DDAH1: variants seen among roughly 807,000 people sequenced by gnomAD.
DDAH1 encodes the protein dimethylarginine dimethylaminohydrolase 1.
Under a neutral mutation model 28.8 loss-of-function variants are expected in DDAH1, and 19 were observed. The ratio of observed to expected loss-of-function variants is 0.66; its 90% CI spans 0.46 to 0.97. DDAH1 has a LOEUF of 0.97. Ranked by LOEUF, DDAH1 falls within the 50% of genes least tolerant of loss-of-function variation. DDAH1 has a pLI of 0.00. For synonymous variants in DDAH1, 153 were observed against 154.4 expected (o/e 0.99, Z 0.07); for missense variants, 326 against 375.9 (o/e 0.87, Z 1.10).
chr1:85,541,517 T>G (rs568627640), intron 1 of DDAH1, among the ~76,000 whole-genome samples: 1 of 152,342 alleles, frequency 6.6e-6, no homozygotes, highest in South Asian at 2.1e-4. Flanking sequence ...TAGTAAATGA[T>G]GCTGTGTTGG....
At chr1:85,446,723 C>T (rs897271041) in intron 1 of DDAH1, among the ~76,000 whole-genome samples, 17 of 152,108 alleles carry the variant, frequency 1.1e-4, no homozygotes, top group Admixed American at 1.1e-3. Flanking sequence ...CCTGCCACCC[C>T]TCCCCCAATC....
At chr1:85,366,103 A>C (rs1405279313) in intron 1 of DDAH1, among the ~76,000 whole-genome samples, 2 of 151,962 alleles carry the variant, frequency 1.3e-5, no homozygotes, top group Non-Finnish European at 2.9e-5. Flanking sequence ...CTGGTAAAAA[A>C]AAAAAAAACA....
chr1:85,332,330 G>A lies in DDAH1; in HGVS notation c.598-7447C>T, dbSNP rs538282866. 1.2e-4 allele frequency among the ~76,000 whole-genome samples: 18 copies of A among 152,284 alleles called. No individual in the cohort carries two copies. The South Asian group carries it at 3.3e-3, about 28-fold the overall frequency. Reference sequence around the variant, plus strand: ...TAGCCCACACATTGTACTGCACACTGGGGAGGGTGATCCTGGGACAAAGGG... The same window carrying A: ...TAGCCCACACATTGTACTGCACACTAGGGAGGGTGATCCTGGGACAAAGGG... On this transcript the variant is annotated intron_variant, in intron 4 of 5. Transcript: ENST00000284031.
chr1:85,519,338 C>T (rs1333390125), intron 1 of DDAH1, among the ~76,000 whole-genome samples: 1 of 152,006 alleles, frequency 6.6e-6, no homozygotes, highest in African/African-American at 2.4e-5. Context: ...CCTCGTGATC[C>T]GCCCGCCGTG....
At chr1:85,519,088 CTTTT>C (rs71075842) in intron 1 of DDAH1, among the ~76,000 whole-genome samples, 1 of 69,124 alleles carries the variant, frequency 1.4e-5, no homozygotes, top group Non-Finnish European at 2.7e-5. Flanking sequence ...AAAGACGGAT[CTTTT>C]TTTTTTTTTT....
At chr1:85,500,077 C>T (rs769177826) in intron 1 of DDAH1, among the ~76,000 whole-genome samples, 64 of 148,666 alleles carry the variant, frequency 4.3e-4, no homozygotes, top group Non-Finnish European at 5.8e-4. Flanking sequence ...CTTTTCTTTC[C>T]TTTCCTTCCT....
In DDAH1 at chr1:85,348,082, C is replaced by T. The variant is rs1014269505; in HGVS notation, c.597+2333G>A. On this transcript the variant is annotated intron_variant, in intron 4 of 5. Transcript: ENST00000284031. Reference sequence around the variant, plus strand: ...CAATCTCCAACGAATGCCTTTCTAGCTAGTGAGGATTATTTATAGGTTCTG... The same window carrying T: ...CAATCTCCAACGAATGCCTTTCTAGTTAGTGAGGATTATTTATAGGTTCTG... 3.7e-4 allele frequency among the ~76,000 whole-genome samples: 56 copies of T among 152,172 alleles called. 1 individual carries two copies. The highest frequency in any genetic ancestry group is 3.0e-3 in the Admixed American group (46 of 15,280).
At chr1:85,399,247 G>A (rs1651959394) in intron 1 of DDAH1, 1 of 152,086 alleles carries the variant, frequency 6.6e-6, no homozygotes, top group African/African-American at 2.4e-5. Flanking sequence ...ATATCCTCTC[G>A]AAAAGTTTTA....
At chr1:85,459,624 G>C (rs1344440771) in intron 1 of DDAH1, among the ~76,000 whole-genome samples, 1 of 152,114 alleles carries the variant, frequency 6.6e-6, no homozygotes, top group South Asian at 2.1e-4. Context: ...TTTCCATCTT[G>C]GTGTCAGAAT....
intron 1 of DDAH1, among the ~76,000 whole-genome samples, chr1:85,513,936 A>T (rs1457879051): frequency 6.6e-6 from 1 of 152,208 alleles, no homozygotes; most frequent in Non-Finnish European, 1.5e-5. Context: ...ATTGTGGAAG[A>T]CAGTGTGGCG....
At chr1:85,388,787 C>T (rs1384149924) in intron 1 of DDAH1, among the ~76,000 whole-genome samples, 1 of 152,174 alleles carries the variant, frequency 6.6e-6, no homozygotes, top group Non-Finnish European at 1.5e-5. Context: ...CACTGTGCTC[C>T]TGATGAAGCT....
rs1557686884 is a variant in DDAH1, at chr1:85,491,043, A to ACTCTTTTTTTT, written c.-7+5122_-7+5123insAAAAAAAAGAG. Among the ~76,000 whole-genome samples the ACTCTTTTTTTT allele has an allele frequency of 5.0e-5, 4 of 79,340 alleles. 2 individuals carry two copies. Among genetic ancestry groups the ACTCTTTTTTTT allele is most frequent in the Non-Finnish European group, 4.7e-5 (2 of 42,166 alleles). 52.1% of individuals were successfully genotyped at this position (79,340 alleles called of 152,430 possible). A position where few individuals can be genotyped will look rare whatever the true frequency, so the allele number is the denominator to read the frequency against. On this transcript the variant is annotated intron_variant, in intron 2 of 6. Coordinates refer to the DDAH1 transcript ENST00000426972. ...TCTTCTAATGACAACAGTAACATGT[A>ACTCTTTTTTTT]TTCTTTTTTTTTTTTTTTTTTTTGA...
rs570305217 is a variant in DDAH1 at position 85,348,751 on chromosome 1, C to T, written c.597+1664G>A. On this transcript the variant is annotated intron_variant, in intron 4 of 5. Transcript: ENST00000284031. ...AGCAGTTAGGGCCTATATCATATAACGTAGTGCTAATTAGTCATATTTGAT... is the reference window on the plus strand; with the variant it reads ...AGCAGTTAGGGCCTATATCATATAATGTAGTGCTAATTAGTCATATTTGAT... Among the ~76,000 whole-genome samples the T allele has an allele frequency of 5.3e-5, 8 of 152,258 alleles. No individual in the cohort carries two copies. In the East Asian group the frequency reaches 1.2e-3, roughly 22 times the overall value.
At chr1:85,482,890 A>T (rs1656056893) in intron 2 of DDAH1, among the ~76,000 whole-genome samples, 3 of 152,212 alleles carry the variant, frequency 2.0e-5, no homozygotes, top group South Asian at 4.1e-4. Context: ...ATTTCTTAGG[A>T]TGAGGACTTT....
chr1:85,511,852 A>G (rs1027974046), intron 1 of DDAH1, among the ~76,000 whole-genome samples: 3 of 152,250 alleles, frequency 2.0e-5, no homozygotes, highest in African/African-American at 7.2e-5. Context: ...TTGAGGCAAT[A>G]ATCAATAGCC....
intron 1 of DDAH1, among the ~76,000 whole-genome samples, chr1:85,438,622 A>C (rs908584686): frequency 2.0e-5 from 3 of 152,210 alleles, no homozygotes; most frequent in Non-Finnish European, 4.4e-5. Flanking sequence ...CAAGCAAAGC[A>C]GAGACATGTT....
At chr1:85,568,621 A>G (rs1269601812) in intron 1 of DDAH1, among the ~76,000 whole-genome samples, 1 of 152,214 alleles carries the variant, frequency 6.6e-6, no homozygotes, top group African/African-American at 2.4e-5. Flanking sequence ...TGCTTACCAA[A>G]GGGAAGTGCA....
At chr1:85,526,245 G>C (rs1240226388) in intron 1 of DDAH1, among the ~76,000 whole-genome samples, 1 of 152,188 alleles carries the variant, frequency 6.6e-6, no homozygotes, top group East Asian at 1.9e-4. Context: ...AGAGAAAAAG[G>C]CTTATTCCTG....
At chr1:85,481,477 T>C (rs1028840369) in intron 2 of DDAH1, among the ~76,000 whole-genome samples, 5 of 152,230 alleles carry the variant, frequency 3.3e-5, no homozygotes, top group African/African-American at 9.6e-5. Context: ...ATTATAAGTG[T>C]TATAGTTACA....
Sources: gnomAD v4.1 joint callset for allele counts (sites outside exome capture counted in the v4.1 genomes callset) on GRCh38, gnomAD v4.1.1 for gene constraint, MANE v1.5 for transcripts, NCBI Gene and HGNC (gene_info 2026-07-23, HGNC 2026-07-21) for gene names.